Variants in TACC2 observed in about 807,000 individuals in gnomAD.
The protein encoded by TACC2 is transforming acidic coiled-coil-containing protein 2.
In TACC2, 137 loss-of-function variants were observed where a neutral mutation model predicts 227.3. That is an observed-to-expected ratio of 0.60 (90% confidence interval 0.52 to 0.69). The LOEUF is 0.69. TACC2 is among the 30% of genes least tolerant of loss of function. TACC2 has a pLI of 0.00. For synonymous variants in TACC2, 1,523 were observed against 1,487.5 expected (o/e 1.02, Z -0.55); for missense variants, 3,470 against 3,694.4 (o/e 0.94, Z 1.57).
rs778662033 is a variant in TACC2, at chr10:122,237,378, TA to T, written c.8128-12del. Reference sequence around the variant, plus strand: ...TAATGCTAACTGTTTTTTTTTTAATTAAAAACGATTCCACAGAGAGAGGCTG... The same window carrying T: ...TAATGCTAACTGTTTTTTTTTTAATTAAAACGATTCCACAGAGAGAGGCTG... On this transcript the variant is annotated splice_polypyrimidine_tract_variant and intron_variant, in intron 16 of 22. Transcript: ENST00000369005. The T allele has an allele frequency of 1.8e-5, 29 of 1,590,780 alleles. No homozygotes were observed. The South Asian group carries it at 3.1e-4, about 17-fold the overall frequency.
Position 122,086,856 on chromosome 10 carries a change from A to C in TACC2, c.4356A>C (p.Leu1452=). 1 of 1,614,014 alleles carries C rather than the reference A, an allele frequency of 6.2e-7. No homozygotes were observed. Residue 1452 remains leucine (L), a synonymous_variant, in exon 4 of 23, where the codon CTA becomes CTC. Transcript: ENST00000369005. ...GGCCATTGGGCCCAGAGAAGCTTCT[A>C]GATGGGCCTCCAGGAGTGGATGTCA... ...LTRPLGPEKL[L]DGPPGVDVTL...
rs2077633194 is a variant in TACC2, at chr10:122,068,521, A to G, written c.147-14126A>G. ...ATTAGATGGAACGAGAGCAGTGTTTAGGTGAGGATTAATCTTCCCCAATAC... is the reference window on the plus strand; with the variant it reads ...ATTAGATGGAACGAGAGCAGTGTTTGGGTGAGGATTAATCTTCCCCAATAC... On this transcript the variant is annotated intron_variant, in intron 3 of 22. Transcript: ENST00000369005. Among the ~76,000 whole-genome samples, 4 of 152,310 alleles carry G rather than the reference A, an allele frequency of 2.6e-5. No homozygotes were observed. In the South Asian group the frequency reaches 8.3e-4, roughly 32 times the overall value.
chr10:122,245,882 T>A (rs1280013020), intron 19 of TACC2, among the ~76,000 whole-genome samples: 2 of 152,214 alleles, frequency 1.3e-5, no homozygotes, highest in Non-Finnish European at 2.9e-5. Context: ...TTTAAAACCC[T>A]GCTCAAGGTC....
intron 5 of TACC2, among the ~76,000 whole-genome samples, chr10:122,111,377 C>T (rs556947248): frequency 8.5e-5 from 13 of 152,316 alleles, no homozygotes; most frequent in African/African-American, 2.6e-4. Flanking sequence ...TTCACATGAA[C>T]GGGATGGCAC....
At chr10:122,172,477 A>C (rs764936763) in intron 7 of TACC2, among the ~76,000 whole-genome samples, 66 of 152,282 alleles carry the variant, frequency 4.3e-4, no homozygotes, top group Non-Finnish European at 7.9e-4. Context: ...CCTCTGTGCC[A>C]CTTATCCAGG....
chr10:122,221,314 C>T (rs893585125), intron 11 of TACC2, among the ~76,000 whole-genome samples: 2 of 152,186 alleles, frequency 1.3e-5, no homozygotes, highest in African/African-American at 4.8e-5. Flanking sequence ...CCCATGTAGT[C>T]CTTGTGGAGG....
Position 122,170,263 on chromosome 10 carries a change from C to CTTTTTTTTTT in TACC2, c.5835-24762_5835-24753dup, listed in dbSNP as rs34194262. Among the ~76,000 whole-genome samples, 4 of 63,198 alleles carry CTTTTTTTTTT rather than the reference C, an allele frequency of 6.3e-5. 1 individual carries two copies. Among genetic ancestry groups the CTTTTTTTTTT allele is most frequent in the Non-Finnish European group, 5.4e-5 (2 of 36,792 alleles). The allele number at this position is 63,198 out of a possible 152,430, so 41.5% of individuals were successfully genotyped here. A position where few individuals can be genotyped will look rare whatever the true frequency, so the allele number is the denominator to read the frequency against. Reference sequence around the variant, plus strand: ...CAAACCAGAAACCTGATGATCAAGTCTTTTTTTTTTTTTTTTTTTTTTTTG... The same window carrying CTTTTTTTTTT: ...CAAACCAGAAACCTGATGATCAAGTCTTTTTTTTTTTTTTTTTTTTTTTTTTTTTTTTTTG... On this transcript the variant is annotated intron_variant, in intron 7 of 22. Coordinates refer to ENST00000369005, the MANE Select transcript of TACC2 (RefSeq NM_206862.4).
chr10:122,006,071 C>T (rs898891555), intron 1 of TACC2, among the ~76,000 whole-genome samples: 4 of 152,228 alleles, frequency 2.6e-5, no homozygotes, highest in East Asian at 1.9e-4. Flanking sequence ...ATCTTTGGTT[C>T]GCACTTTCAT....
intron 7 of TACC2, among the ~76,000 whole-genome samples, chr10:122,186,085 C>A (rs554466492): frequency 6.6e-6 from 1 of 151,804 alleles, no homozygotes; most frequent in African/African-American, 2.4e-5. Context: ...CCCACCAGTA[C>A]GCCTGGCTAA....
rs1024394704 is a variant in TACC2, at chr10:122,210,120, G to A, written c.5972-277G>A. Reference sequence around the variant, plus strand: ...GTCTGGTCCTGATTAGGCACTTGGTGAATGTTTTTGAATGAATACTCTGAG... The same window carrying A: ...GTCTGGTCCTGATTAGGCACTTGGTAAATGTTTTTGAATGAATACTCTGAG... On this transcript the variant is annotated intron_variant, in intron 8 of 22. Transcript: ENST00000369005. This position sits in a 1 kb window ranked among gnomAD's most constrained non-coding sequence, Gnocchi z 4.6. The A allele has an allele frequency of 4.1e-6, 2 of 491,826 alleles. No homozygotes were observed. Among genetic ancestry groups the A allele is most frequent in the Non-Finnish European group, 7.4e-6 (2 of 271,918 alleles). The allele number at this position is 491,826 out of a possible 1,614,324, so 30.5% of individuals were successfully genotyped here. A position where few individuals can be genotyped will look rare whatever the true frequency, so the allele number is the denominator to read the frequency against.
intron 8 of TACC2, among the ~76,000 whole-genome samples, chr10:122,201,209 GGCC>G (rs1272317057): frequency 6.9e-6 from 1 of 143,890 alleles, no homozygotes; most frequent in Non-Finnish European, 1.5e-5. Context: ...GTGAGAGGAT[GGCC>G]ACCTCACCCG....
At position 122,180,933 on chromosome 10, in the gene TACC2, A is replaced by G. The variant is rs1469222691; in HGVS notation, c.5835-14107A>G. ...TAATTTTTATATTTTTAGTAGAGAC[A>G]GGGTTTCACCATGTTGCCCAGGCTG... On this transcript the variant is annotated intron_variant, in intron 7 of 22. Coordinates refer to ENST00000369005, the MANE Select transcript of TACC2 (RefSeq NM_206862.4). This position sits in a 1 kb window ranked among gnomAD's most constrained non-coding sequence, Gnocchi z 4.5. 2.6e-5 allele frequency among the ~76,000 whole-genome samples: 4 copies of G among 151,682 alleles called. No homozygotes were observed. Among genetic ancestry groups the G allele is most frequent in the African/African-American group, 4.8e-5 (2 of 41,250 alleles).
intron 1 of TACC2, among the ~76,000 whole-genome samples, chr10:122,017,444 GC>G (rs1956800241): frequency 6.6e-6 from 1 of 151,296 alleles, no homozygotes; most frequent in Non-Finnish European, 1.5e-5. Context: ...CCTGTGTTTT[GC>G]CGCCTGTTGA....
chr10:122,175,093 C>T (rs939511178), intron 7 of TACC2, among the ~76,000 whole-genome samples: 3 of 152,140 alleles, frequency 2.0e-5, no homozygotes, highest in African/African-American at 7.2e-5. Context: ...ATCTCAGCCT[C>T]CCTAGTAGCT....
chr10:122,176,117 C>CTCTCTCTCTATATA (rs1447382017), intron 7 of TACC2, among the ~76,000 whole-genome samples: 5 of 54,644 alleles, frequency 9.2e-5, no homozygotes, highest in Middle Eastern at 0.012. Context: ...CTCTCTCTCT[C>CTCTCTCTCTATATA]TATATATATA....
At chr10:122,178,454 C>G (rs1178852018) in intron 7 of TACC2, among the ~76,000 whole-genome samples, 2 of 152,108 alleles carry the variant, frequency 1.3e-5, no homozygotes, top group African/African-American at 2.4e-5. Flanking sequence ...TCAGGCTGCT[C>G]TCAAACTCCC....
intron 14 of TACC2, among the ~76,000 whole-genome samples, chr10:122,228,550 G>A (rs559867987): frequency 5.3e-5 from 8 of 152,242 alleles, no homozygotes; most frequent in South Asian, 2.1e-4. Context: ...CAAAGTAAGC[G>A]ATGCCCATGC....
intron 2 of TACC2, among the ~76,000 whole-genome samples, chr10:122,043,021 C>G (rs1366246525): frequency 6.6e-6 from 1 of 152,178 alleles, no homozygotes; most frequent in Admixed American, 6.5e-5. Context: ...CAAGGCATTC[C>G]TATCACCCAC....
intron 3 of TACC2, among the ~76,000 whole-genome samples, chr10:122,067,219 G>A (rs2077479392): frequency 6.6e-6 from 1 of 152,056 alleles, no homozygotes; most frequent in Non-Finnish European, 1.5e-5. Flanking sequence ...TTCCTGAAAT[G>A]TAGGTCTGCT....
Sources: allele counts gnomAD v4.1 joint callset (sites outside exome capture counted in the v4.1 genomes callset), GRCh38; gene constraint gnomAD v4.1.1; non-coding constraint Gnocchi (gnomAD v3.1); transcripts MANE v1.5; gene names NCBI Gene and HGNC (gene_info 2026-07-23, HGNC 2026-07-21).